The following RAB6B variants were observed in gnomAD, a reference collection of about 807,000 sequenced individuals.
The protein encoded by RAB6B is RAB6B, member RAS oncogene family, also known as ras-related protein Rab-6B.
In RAB6B, 7 loss-of-function variants were observed where a neutral mutation model predicts 31.2. That is an observed-to-expected ratio of 0.22 (90% CI 0.13 to 0.42). The LOEUF (loss-of-function observed/expected upper bound fraction) is 0.42. Ranked by LOEUF, RAB6B falls within the 10% of genes least tolerant of loss-of-function variation. The probability of loss-of-function intolerance (pLI) is 1.00; values close to 1 mark genes in which losing one functional copy is unlikely to be tolerated. For synonymous variants in RAB6B, 105 were observed against 104.9 expected, an observed-to-expected ratio of 1.00 and a Z score of -0.01; for missense variants, 149 against 280.6, an observed-to-expected ratio of 0.53 and a Z score of 3.35.
At chr3:133,893,601 T>C (rs989457755) in intron 1 of RAB6B, among the ~76,000 whole-genome samples, 2 of 152,284 alleles carry the variant, frequency 1.3e-5, no homozygotes, top group African/African-American at 4.8e-5. Context: ...AGAACAAATG[T>C]TTGCTGAGAA....
chr3:133,858,922 C>A (rs1412196315), intron 2 of RAB6B, among the ~76,000 whole-genome samples: 1 of 152,154 alleles, frequency 6.6e-6, no homozygotes, highest in Non-Finnish European at 1.5e-5. Context: ...ATCATCTAGA[C>A]CAGTGGCCTA....
In RAB6B at chr3:133,826,762, T is replaced by C. The variant is rs2107982143; in HGVS notation, c.*2026A>G. The C allele has an allele frequency of 6.5e-6, 1 of 152,800 alleles. No individual in the cohort carries two copies. Among genetic ancestry groups the C allele is most frequent in the South Asian group, 2.1e-4 (1 of 4,826 alleles). 9.5% of individuals were successfully genotyped at this position (152,800 alleles called of 1,614,324 possible). A position where few individuals can be genotyped will look rare whatever the true frequency, so the allele number is the denominator to read the frequency against. On this transcript the variant is annotated 3_prime_UTR_variant, in exon 8 of 8. Transcript: ENST00000285208. ...TATTGATGGCAAGACAATCACAAGTTATTTGACAATATTAAGTATTTCTTA... is the reference window on the plus strand; with the variant it reads ...TATTGATGGCAAGACAATCACAAGTCATTTGACAATATTAAGTATTTCTTA...
intron 2 of RAB6B, among the ~76,000 whole-genome samples, chr3:133,852,465 TTTTC>T (rs1401642762): frequency 1.7e-5 from 1 of 59,714 alleles, no homozygotes; most frequent in Non-Finnish European, 5.3e-5. Flanking sequence ...ACCCTGATTT[TTTTC>T]TTTTTCTTTT....
At chr3:133,878,253 T>C (rs1936422370) in intron 1 of RAB6B, among the ~76,000 whole-genome samples, 2 of 152,128 alleles carry the variant, frequency 1.3e-5, no homozygotes, top group Admixed American at 6.5e-5. Flanking sequence ...TCAAATTGCA[T>C]AGTCAGTGAC....
intron 1 of RAB6B, among the ~76,000 whole-genome samples, chr3:133,881,558 C>G (rs1175041079): frequency 6.6e-6 from 1 of 152,216 alleles, no homozygotes; most frequent in Non-Finnish European, 1.5e-5. Context: ...AGAAGGATCA[C>G]AGATGATCAG....
intron 6 of RAB6B, 80 bp from the exon 7 acceptor site, chr3:133,834,721 C>T (rs2107987362): frequency 1.5e-6 from 2 of 1,322,454 alleles, no homozygotes; most frequent in East Asian, 2.3e-5. Flanking sequence ...ACCCTCACCC[C>T]TCTTCCCCTC....
chr3:133,843,932 C>G (rs960633410), intron 2 of RAB6B, among the ~76,000 whole-genome samples: 20 of 152,208 alleles, frequency 1.3e-4, no homozygotes, highest in African/African-American at 4.3e-4. Context: ...CTGGACTGCT[C>G]AGATTGTTCT....
At chr3:133,881,245 G>C (rs1366482482) in intron 1 of RAB6B, among the ~76,000 whole-genome samples, 1 of 152,206 alleles carries the variant, frequency 6.6e-6, no homozygotes, top group Non-Finnish European at 1.5e-5. Context: ...CTATAGATGA[G>C]CCACAGAGGA....
At chr3:133,843,746 G>A (rs868762000) in intron 2 of RAB6B, among the ~76,000 whole-genome samples, 15 of 152,298 alleles carry the variant, frequency 9.8e-5, no homozygotes, top group African/African-American at 3.1e-4. Context: ...GGATGTGAAC[G>A]TGATGTAGGC....
At position 133,855,485 on chromosome 3, in the gene RAB6B, C is replaced by T. The variant is rs192180274; in HGVS notation, c.129+9099G>A. Among the ~76,000 whole-genome samples, 813 of 152,334 alleles carry T rather than the reference C, an allele frequency of 5.3e-3. 3 individuals carry two copies. Among genetic ancestry groups the T allele is most frequent in the Middle Eastern group, 0.01 (3 of 294 alleles). On this transcript the variant is annotated intron_variant, in intron 2 of 7. Transcript: ENST00000285208. ...CTGACTGTGGTCTGAAAACAACATA[C>T]ACCTTCAAATTTTAAATAAGGTTAA...
At position 133,828,669 on chromosome 3, in the gene RAB6B, G is replaced by A. The variant is rs948693933; in HGVS notation, c.*119C>T. The A allele has an allele frequency of 1.9e-5, 17 of 884,300 alleles. No individual in the cohort carries two copies. In the East Asian group the frequency reaches 4.7e-4, roughly 24 times the overall value. The allele number at this position is 884,300 out of a possible 1,614,324, so 54.8% of individuals were successfully genotyped here. On this transcript the variant is annotated 3_prime_UTR_variant, in exon 8 of 8. Coordinates refer to ENST00000285208, the MANE Select transcript of RAB6B (RefSeq NM_016577.4). ...ATCCCACCCTACTCCTAAAGACAGA[G>A]AGAAAAGAAAAATCCTCCCATCTTG...
At chr3:133,872,169 C>T (rs924030235) in intron 1 of RAB6B, among the ~76,000 whole-genome samples, 76 of 152,360 alleles carry the variant, frequency 5.0e-4, no homozygotes, top group African/African-American at 1.8e-3. Flanking sequence ...AGGTGGTGCT[C>T]AGGGCTGAAA....
At chr3:133,873,633 AAG>A (rs1020753101) in intron 1 of RAB6B, among the ~76,000 whole-genome samples, 1 of 152,146 alleles carries the variant, frequency 6.6e-6, no homozygotes, top group African/African-American at 2.4e-5. Context: ...CCTCTACCCC[AAG>A]GTTTACTGAG....
chr3:133,830,197 T>C (rs1365491770), intron 7 of RAB6B, among the ~76,000 whole-genome samples: 1 of 152,250 alleles, frequency 6.6e-6, no homozygotes, highest in African/African-American at 2.4e-5. Flanking sequence ...CTGTTCTGTA[T>C]TGCTGGCCTG....
At chr3:133,885,426 C>T (rs568954247) in intron 1 of RAB6B, 301 of 695,348 alleles carry the variant, frequency 4.3e-4, no homozygotes, top group African/African-American at 4.1e-3. Flanking sequence ...GATCAGAGGA[C>T]GGGAACTCAC....
chr3:133,877,779 T>G (rs530713855), intron 1 of RAB6B, among the ~76,000 whole-genome samples: 2 of 148,486 alleles, frequency 1.3e-5, no homozygotes, highest in South Asian at 4.2e-4. Context: ...ATATATAACT[T>G]AGTTATTATA....
rs544886549 is a variant in RAB6B, at chr3:133,873,815, C to T, written c.71-9173G>A. On this transcript the variant is annotated intron_variant, in intron 1 of 7. Transcript: ENST00000285208. ...CACAAAACTTAACTATTATAATAGC[C>T]TACTGTTGACCAAAGCCTTCCTGAT... Among the ~76,000 whole-genome samples, 6 of 152,276 alleles carry T rather than the reference C, an allele frequency of 3.9e-5. No individual in the cohort carries two copies. The South Asian group carries it at 1.2e-3, about 32-fold the overall frequency.
chr3:133,853,266 G>C (rs147801527), intron 2 of RAB6B, among the ~76,000 whole-genome samples: 1 of 152,198 alleles, frequency 6.6e-6, no homozygotes, highest in African/African-American at 2.4e-5. Flanking sequence ...TGGATGAGTG[G>C]GGATACACAT....
intron 1 of RAB6B, among the ~76,000 whole-genome samples, chr3:133,871,292 C>A (rs1334977684): frequency 6.6e-6 from 1 of 152,194 alleles, no homozygotes; most frequent in Non-Finnish European, 1.5e-5. Flanking sequence ...CTGAGAGGCC[C>A]ATGCAAGGAA....
Sources: gnomAD v4.1 joint callset for allele counts (sites outside exome capture counted in the v4.1 genomes callset) on GRCh38, gnomAD v4.1.1 for gene constraint, MANE v1.5 for transcripts, NCBI Gene and HGNC (gene_info 2026-07-23, HGNC 2026-07-21) for gene names.